The following SIPA1L3 variants were observed in gnomAD, a reference collection of about 807,000 sequenced individuals.
The protein encoded by SIPA1L3 is signal induced proliferation associated 1 like 3.
A neutral mutation model predicts 150.1 loss-of-function variants in SIPA1L3; 59 were observed. That is an observed-to-expected ratio of 0.39 (90% CI 0.32 to 0.49). The LOEUF (loss-of-function observed/expected upper bound fraction) is 0.49, where lower values mean the gene tolerates loss of function less well. Ranked by LOEUF, SIPA1L3 falls within the 20% of genes least tolerant of loss-of-function variation. The pLI is 0.86. For missense variants in SIPA1L3, 2,211 were observed against 2,489.5 expected (o/e 0.89, Z 2.38); for synonymous variants, 1,070 against 1,077.6 (o/e 0.99, Z 0.14).
chr19:38,131,048 A>G (rs1971296621), intron 10 of SIPA1L3, among the ~76,000 whole-genome samples: 1 of 152,194 alleles, frequency 6.6e-6, no homozygotes, highest in Non-Finnish European at 1.5e-5. Context: ...CATTTCCTAC[A>G]TGAAGCACAG....
In SIPA1L3 at chr19:38,088,781, G is replaced by A. The variant is rs945974649; in HGVS notation, c.1595G>A (p.Arg532Gln). ...GGGCCAGTGGCTGTGAGCATTAAGCGGGAGAAGCTGGAAGACCACAAGGAG... is the reference window on the plus strand; with the variant it reads ...GGGCCAGTGGCTGTGAGCATTAAGCAGGAGAAGCTGGAAGACCACAAGGAG... ...KLGPVAVSIK[R>Q]EKLEDHKEHG... is the part of the protein sequence containing the mutation. Residue 532 changes from arginine to glutamine, a missense_variant, in exon 4 of 22, where the codon CGG becomes CAG. Arg to Gln is a conservative substitution (Grantham distance 43, BLOSUM62 1). Coordinates refer to ENST00000222345, the MANE Select transcript of SIPA1L3 (RefSeq NM_015073.3). The A allele has an allele frequency of 1.9e-6, 3 of 1,613,986 alleles. No homozygotes were observed. The highest frequency in any genetic ancestry group is 1.7e-5 in the Admixed American group (1 of 59,994).
intron 2 of SIPA1L3, among the ~76,000 whole-genome samples, chr19:38,059,731 C>T (rs1969407649): frequency 6.6e-6 from 1 of 151,994 alleles, no homozygotes; most frequent in African/African-American, 2.4e-5. Flanking sequence ...GAAAGAGAAC[C>T]TGCTGGCAGC....
At chr19:37,993,738 G>A (rs1169531016) in intron 1 of SIPA1L3, among the ~76,000 whole-genome samples, 3 of 152,252 alleles carry the variant, frequency 2.0e-5, no homozygotes, top group South Asian at 2.1e-4. Flanking sequence ...GGCCAGGAGC[G>A]TGTCGACCAG....
At chr19:38,008,862 ATTCCTTTTTCAAAGCCACC>A (rs1442473136) in intron 1 of SIPA1L3, among the ~76,000 whole-genome samples, 5 of 151,724 alleles carry the variant, frequency 3.3e-5, no homozygotes, top group Non-Finnish European at 7.4e-5. Flanking sequence ...GCCTGGCCAC[ATTCCTTTTTCAAAGCCACC>A]TTGAGAGCTA....
intron 1 of SIPA1L3, among the ~76,000 whole-genome samples, chr19:37,985,366 G>A (rs35531777): frequency 0.029 from 4,354 of 152,004 alleles, 91 homozygotes; most frequent in Non-Finnish European, 0.047. Flanking sequence ...CCAATTTTAC[G>A]AAGAAAATTG....
intron 2 of SIPA1L3, among the ~76,000 whole-genome samples, chr19:38,063,202 C>T (rs1300637892): frequency 1.3e-5 from 2 of 152,114 alleles, no homozygotes. Context: ...TTCCCCTCCA[C>T]CCCCCTCCCC....
intron 5 of SIPA1L3, among the ~76,000 whole-genome samples, chr19:38,100,809 G>A (rs1036187496): frequency 2.0e-5 from 3 of 152,194 alleles, no homozygotes; most frequent in Non-Finnish European, 2.9e-5. Context: ...TCCTCCACCC[G>A]CCATAGCGAG....
intron 1 of SIPA1L3, 182 bp downstream of exon 1, chr19:37,907,540 C>G (rs1234629224): frequency 1.3e-5 from 2 of 152,242 alleles, no homozygotes; most frequent in African/African-American, 4.8e-5. Flanking sequence ...GCTCAACTTT[C>G]CAGGCGTGCA....
chr19:38,112,345 CCTT>C (rs1255650006), intron 8 of SIPA1L3, among the ~76,000 whole-genome samples: 1 of 152,118 alleles, frequency 6.6e-6, no homozygotes, highest in Non-Finnish European at 1.5e-5. Flanking sequence ...AAGGAGGCAG[CCTT>C]CTTATGATGC....
chr19:37,995,869 G>C (rs1324890941), intron 1 of SIPA1L3, among the ~76,000 whole-genome samples: 2 of 152,230 alleles, frequency 1.3e-5, no homozygotes, highest in East Asian at 3.8e-4. Flanking sequence ...GAGTCGGGCA[G>C]ATCCTCCTGG....
At chr19:38,099,062 GTGT>G (rs1438812775) in intron 4 of SIPA1L3, among the ~76,000 whole-genome samples, 1 of 151,434 alleles carries the variant, frequency 6.6e-6, no homozygotes. Flanking sequence ...CTCAGACTGA[GTGT>G]TGCTCTGTTG....
At chr19:37,953,708 A>C (rs1363700767) in intron 1 of SIPA1L3, among the ~76,000 whole-genome samples, 1 of 152,134 alleles carries the variant, frequency 6.6e-6, no homozygotes, top group Non-Finnish European at 1.5e-5. Flanking sequence ...GAAAGCTGGG[A>C]AAGAAGGGGC....
rs529644576 is a variant in SIPA1L3, at chr19:38,047,204, G to A, written c.-311+18048G>A. 6.6e-6 allele frequency among the ~76,000 whole-genome samples: 1 copy of A among 152,194 alleles called. No homozygotes were observed. The highest frequency in any genetic ancestry group is 2.4e-5 in the African/African-American group (1 of 41,528). ...TCATAATCACTCTGCTATACTTCCT[G>A]CCAGCCTGTTCTCCCCCGCCGACAC... On this transcript the variant is annotated intron_variant, in intron 2 of 21. Coordinates refer to ENST00000222345, the MANE Select transcript of SIPA1L3 (RefSeq NM_015073.3). This position sits in a 1 kb window ranked among gnomAD's most constrained non-coding sequence, Gnocchi z 4.7.
chr19:37,951,677 T>C (rs967910664), intron 1 of SIPA1L3, among the ~76,000 whole-genome samples: 14 of 151,804 alleles, frequency 9.2e-5, no homozygotes, highest in Non-Finnish European at 1.9e-4. Context: ...GGTGGGCGGA[T>C]CACGAGGTCA....
chr19:37,999,061 G>A (rs1430344797), intron 1 of SIPA1L3, among the ~76,000 whole-genome samples: 2 of 151,780 alleles, frequency 1.3e-5, no homozygotes, highest in Non-Finnish European at 2.9e-5. Flanking sequence ...AAAGCACTGC[G>A]ATCCTGCTGC....
chr19:38,081,981 A>ACCGACTCT lies in SIPA1L3; in HGVS notation c.419_426dup (p.Arg143AspfsTer83), dbSNP rs1841930991. 6.2e-7 allele frequency: 1 copy of ACCGACTCT among 1,614,026 alleles called. No homozygotes were observed. The highest frequency in any genetic ancestry group is 8.5e-7 in the Non-Finnish European group (1 of 1,180,010). On this transcript the variant is annotated frameshift_variant, in exon 3 of 22. Transcript: ENST00000222345. LOFTEE classifies it high-confidence loss of function. ...GCTTCCTCAGGGTCCAAAGCCTTCC[A>ACCGACTCT]CCGACTCTCCAGGAGAAGGTCCAAA... is the stretch of plus-strand genomic sequence containing the variant.
intron 1 of SIPA1L3, among the ~76,000 whole-genome samples, chr19:37,956,656 G>C (rs952648840): frequency 1.3e-5 from 2 of 151,928 alleles, no homozygotes; most frequent in African/African-American, 4.8e-5. Context: ...GCTAATTTTT[G>C]TATTTTTAGT....
At chr19:38,003,499 A>T (rs1212682714) in intron 1 of SIPA1L3, among the ~76,000 whole-genome samples, 1 of 152,204 alleles carries the variant, frequency 6.6e-6, no homozygotes, top group Non-Finnish European at 1.5e-5. Context: ...GGATCCCCAG[A>T]TGGGCGTTGC....
intron 1 of SIPA1L3, among the ~76,000 whole-genome samples, chr19:37,943,878 C>T (rs375987810): frequency 1.3e-5 from 2 of 152,172 alleles, no homozygotes; most frequent in South Asian, 2.1e-4. Context: ...GGCCTCTTGA[C>T]AAGGATTGTA....
Sources: allele counts gnomAD v4.1 joint callset (sites outside exome capture counted in the v4.1 genomes callset), GRCh38; gene constraint gnomAD v4.1.1; non-coding constraint Gnocchi (gnomAD v3.1); transcripts MANE v1.5; gene names NCBI Gene and HGNC (gene_info 2026-07-23, HGNC 2026-07-21).